The following AFF4 variants were observed in gnomAD, a reference collection of about 807,000 sequenced individuals.
The protein encoded by AFF4 is AF4/FMR2 family member 4.
In AFF4, 13 loss-of-function variants were observed where a neutral mutation model predicts 124.8. The observed-to-expected ratio is 0.10, with a 90% CI of 0.07 to 0.17. The LOEUF is 0.17. Ranked by LOEUF, AFF4 falls within the 10% of genes least tolerant of loss-of-function variation. The pLI, the probability that AFF4 is intolerant of heterozygous loss-of-function variation, is 1.00. For synonymous variants in AFF4, 477 were observed against 496.1 expected, an observed-to-expected ratio of 0.96 and a Z score of 0.51; for missense variants, 1,092 against 1,403.8, an observed-to-expected ratio of 0.78 and a Z score of 3.55.
At position 132,934,524 on chromosome 5, in the gene AFF4, G is replaced by C; in HGVS notation, c.541C>G (p.Pro181Ala). Residue 181 changes from proline (P) to alanine (A), a missense_variant, in exon 3 of 21, where the codon CCT becomes GCT. By Grantham distance (27) the Pro-to-Ala change is conservative. Around this residue, in one of 11 missense-constraint regions of AFF4, gnomAD observed 188 missense variants for 203.0 expected, o/e 0.93. Transcript: ENST00000265343. ...GAAGAAACAGCCTGGGGTTTTCCAGGGCTGGAAGAACGTGATTTGGAGTGT... is the reference window on the plus strand; with the variant it reads ...GAAGAAACAGCCTGGGGTTTTCCAGCGCTGGAAGAACGTGATTTGGAGTGT... Reference protein sequence around the residue: ...SEHSKSRSSSPGKPQAVSSLN... With the variant: ...SEHSKSRSSSAGKPQAVSSLN... 1 of 1,614,108 alleles carries C rather than the reference G, an allele frequency of 6.2e-7. No homozygotes were observed. Among genetic ancestry groups the C allele is most frequent in the Non-Finnish European group, 8.5e-7 (1 of 1,180,020 alleles).
At chr5:132,917,887 A>AT (rs35972644) in intron 5 of AFF4, among the ~76,000 whole-genome samples, 22,772 of 147,974 alleles carry the variant, frequency 0.15, 2,333 homozygotes, top group East Asian at 0.45. Flanking sequence ...TAATTTTTGT[A>AT]TTTTTTTAGC....
At chr5:132,911,674 TAAA>T (rs964658931) in intron 5 of AFF4, among the ~76,000 whole-genome samples, 1 of 141,804 alleles carries the variant, frequency 7.1e-6, no homozygotes, top group Non-Finnish European at 1.5e-5. Flanking sequence ...GAGAAGAGGG[TAAA>T]AAAAAAAATT....
intron 20 of AFF4, 50 bp downstream of exon 20, chr5:132,883,290 G>C: frequency 1.3e-6 from 2 of 1,539,168 alleles, no homozygotes; most frequent in Non-Finnish European, 1.8e-6. Context: ...AATTATAAAA[G>C]TTCCTTCTAA....
intron 1 of AFF4, among the ~76,000 whole-genome samples, chr5:132,939,829 G>A (rs903264457): frequency 6.6e-6 from 1 of 152,150 alleles, no homozygotes; most frequent in Non-Finnish European, 1.5e-5. Context: ...CAAACTCCTG[G>A]TCTCAAACTC....
chr5:132,892,398 A>T lies in AFF4; in HGVS notation c.2403T>A (p.Ser801=). The change falls in exon 13 of 21, where the codon TCT becomes TCA. Residue 801 remains serine, a synonymous_variant. Coordinates refer to ENST00000265343, the MANE Select transcript of AFF4 (RefSeq NM_014423.4). The stretch of plus-strand genomic sequence containing the variant: ...CCTTTTCTTTTGCAGCACTCTGCTT[A>T]GATGACCTGCCAAACCAAACGAATG... ...GHKPSSNRES[S]KQSAAKEKDL... The T allele has an allele frequency of 6.2e-7, 1 of 1,609,834 alleles. No homozygotes were observed. The highest frequency in any genetic ancestry group is 8.5e-7 in the Non-Finnish European group (1 of 1,176,700).
chr5:132,962,217 G>A (rs1168258046), intron 1 of AFF4, among the ~76,000 whole-genome samples: 13 of 152,196 alleles, frequency 8.5e-5, no homozygotes, highest in Non-Finnish European at 1.9e-4. Flanking sequence ...ATACAGAAAC[G>A]AAGCTTTGCG....
intron 5 of AFF4, among the ~76,000 whole-genome samples, chr5:132,924,803 C>T (rs1581309754): frequency 6.6e-6 from 1 of 151,894 alleles, no homozygotes; most frequent in Admixed American, 6.6e-5. Flanking sequence ...TGCAGTGAGT[C>T]GAGATCGCAC....
chr5:132,899,290 A>T, intron 8 of AFF4, 149 bp from the exon 9 acceptor site: 2 of 733,178 alleles, frequency 2.7e-6, no homozygotes, highest in Non-Finnish European at 4.4e-6. Context: ...TTACCTGAAG[A>T]GTAACTGAAT....
intron 5 of AFF4, among the ~76,000 whole-genome samples, chr5:132,910,522 T>C (rs947960287): frequency 5.9e-5 from 9 of 152,192 alleles, no homozygotes; most frequent in Admixed American, 2.6e-4. Context: ...TTGGTACATA[T>C]AGTTAGTGCA....
At position 132,875,931 on chromosome 5, in the gene AFF4, T is replaced by G. The variant is rs991319473; in HGVS notation, c.*5128A>C. The G allele has an allele frequency of 6.6e-5, 15 of 226,662 alleles. No individual in the cohort carries two copies. Among genetic ancestry groups the G allele is most frequent in the African/African-American group, 3.1e-4 (14 of 45,000 alleles). The allele number at this position is 226,662 out of a possible 1,614,324, so 14.0% of individuals were successfully genotyped here. Reference sequence around the variant, plus strand: ...GTACCTTTCTGCAAAATCAACAGGCTTTTAATTTATCAGTGACATTATCTC... The same window carrying G: ...GTACCTTTCTGCAAAATCAACAGGCGTTTAATTTATCAGTGACATTATCTC... On this transcript the variant is annotated 3_prime_UTR_variant, in exon 21 of 21. Coordinates refer to ENST00000265343, the MANE Select transcript of AFF4 (RefSeq NM_014423.4).
Position 132,877,278 on chromosome 5 carries a change from C to A in AFF4, c.*3781G>T, listed in dbSNP as rs1759860762. The A allele has an allele frequency of 9.5e-6, 2 of 211,258 alleles. No homozygotes were observed. The highest frequency in any genetic ancestry group is 2.3e-5 in the African/African-American group (1 of 44,172). The allele number at this position is 211,258 out of a possible 1,614,324, so 13.1% of individuals were successfully genotyped here. ...ACTGGAAAATTAAAATCTTTCCCACCCTGTAAGAGCCCTACGACACTACAG... is the reference window on the plus strand; with the variant it reads ...ACTGGAAAATTAAAATCTTTCCCACACTGTAAGAGCCCTACGACACTACAG... On this transcript the variant is annotated 3_prime_UTR_variant, in exon 21 of 21. Coordinates refer to ENST00000265343, the MANE Select transcript of AFF4 (RefSeq NM_014423.4).
At chr5:132,939,256 T>C (rs985790792) in intron 1 of AFF4, among the ~76,000 whole-genome samples, 2 of 151,742 alleles carry the variant, frequency 1.3e-5, no homozygotes, top group African/African-American at 4.8e-5. Context: ...GTTTCAGATA[T>C]GTTTTCAAAT....
chr5:132,898,694 G>C (rs986893846), intron 9 of AFF4, among the ~76,000 whole-genome samples: 1 of 151,924 alleles, frequency 6.6e-6, no homozygotes, highest in Admixed American at 6.6e-5. Context: ...ATATTGGTCA[G>C]GTGGGTCTCA....
chr5:132,889,793 T>C (rs1360712207), intron 13 of AFF4, among the ~76,000 whole-genome samples: 3 of 152,058 alleles, frequency 2.0e-5, no homozygotes, highest in African/African-American at 7.3e-5. Context: ...CTGCCTCTCA[T>C]CCACATGTCT....
chr5:132,902,196 C>T (rs1760568111), intron 7 of AFF4, among the ~76,000 whole-genome samples: 1 of 152,030 alleles, frequency 6.6e-6, no homozygotes, highest in Non-Finnish European at 1.5e-5. Flanking sequence ...TACAGGCGCT[C>T]GCCACCACGC....
intron 19 of AFF4, among the ~76,000 whole-genome samples, chr5:132,884,452 G>T (rs1056848339): frequency 2.0e-5 from 3 of 152,126 alleles, no homozygotes; most frequent in African/African-American, 7.2e-5. Context: ...ATGTTGGCCA[G>T]GCTGGTCTTG....
At position 132,934,153 on chromosome 5, in the gene AFF4, T is replaced by C; in HGVS notation, c.912A>G (p.Pro304=). 3 of 1,611,012 alleles carry C rather than the reference T, an allele frequency of 1.9e-6. No individual in the cohort carries two copies. Among genetic ancestry groups the C allele is most frequent in the Non-Finnish European group, 2.5e-6 (3 of 1,177,822 alleles). ...CTCTAAATGTGTGACTTACATCCAG[T>C]GGTTGGGAAGGTATTTTCAGCTTGG... The part of the protein sequence containing the change: ...HLTKLKIPSQ[P]LDASASGDVS... The change falls in exon 3 of 21, where the codon CCA becomes CCG. Residue 304 remains proline, a synonymous_variant. Transcript: ENST00000265343.
At chr5:132,938,600 G>A (rs1761488484) in intron 1 of AFF4, among the ~76,000 whole-genome samples, 1 of 151,626 alleles carries the variant, frequency 6.6e-6, no homozygotes, top group African/African-American at 2.4e-5. Flanking sequence ...ACTAGTGAAA[G>A]CAAACATTTA....
intron 5 of AFF4, among the ~76,000 whole-genome samples, chr5:132,906,890 A>G (rs1372538450): frequency 6.6e-6 from 1 of 152,224 alleles, no homozygotes; most frequent in African/African-American, 2.4e-5. Flanking sequence ...GCTTGAGGCC[A>G]GGAGTTCAAG....
Sources: gnomAD v4.1 joint callset for allele counts (sites outside exome capture counted in the v4.1 genomes callset) on GRCh38, gnomAD v4.1.1 for gene constraint, gnomAD v4.1.1 regional missense constraint, MANE v1.5 for transcripts, NCBI Gene and HGNC (gene_info 2026-07-23, HGNC 2026-07-21) for gene names.